Variants in LRP1B observed in about 807,000 individuals in gnomAD.
The protein encoded by LRP1B is LDL receptor related protein 1B, also known as low-density lipoprotein receptor-related protein 1B.
In LRP1B, 217 loss-of-function variants were observed where a neutral mutation model predicts 556.6. That is an observed-to-expected ratio of 0.39 (90% confidence interval 0.35 to 0.44). The LOEUF (loss-of-function observed/expected upper bound fraction) is 0.44. Among genes scored for constraint, LRP1B ranks in the 20% least tolerant of loss-of-function variants. The pLI is 1.00. For missense variants in LRP1B, 5,053 were observed against 5,620.8 expected, an observed-to-expected ratio of 0.90 and a Z score of 3.23; for synonymous variants, 2,047 against 1,865.8, an observed-to-expected ratio of 1.10 and a Z score of -2.50.
At chr2:141,319,005 A>G (rs1368945289) in intron 3 of LRP1B, among the ~76,000 whole-genome samples, 1 of 152,080 alleles carries the variant, frequency 6.6e-6, no homozygotes, top group South Asian at 2.1e-4. Context: ...TTAAATTCCT[A>G]TAGTTTTCCT....
At chr2:140,961,901 A>G (rs1696047733) in intron 18 of LRP1B, among the ~76,000 whole-genome samples, 1 of 152,186 alleles carries the variant, frequency 6.6e-6, no homozygotes. Context: ...AGAGGTAATA[A>G]CCAGGAAACT....
intron 41 of LRP1B, among the ~76,000 whole-genome samples, chr2:140,615,819 A>G (rs1023281374): frequency 6.6e-6 from 1 of 151,792 alleles, no homozygotes; most frequent in Non-Finnish European, 1.5e-5. Context: ...CCAAACTGCT[A>G]TCTTCATACT....
At chr2:141,787,154 T>C (rs2105652547) in intron 2 of LRP1B, among the ~76,000 whole-genome samples, 1 of 152,068 alleles carries the variant, frequency 6.6e-6, no homozygotes, top group Non-Finnish European at 1.5e-5. Flanking sequence ...GAATACAAAA[T>C]GGTACAGCTA....
intron 2 of LRP1B, among the ~76,000 whole-genome samples, chr2:141,715,589 C>A (rs543591442): frequency 1.3e-5 from 2 of 151,968 alleles, no homozygotes; most frequent in African/African-American, 4.8e-5. Context: ...CTGAGGCAGC[C>A]GGATCACCTG....
intron 32 of LRP1B, among the ~76,000 whole-genome samples, chr2:140,784,785 C>T (rs1012907411): frequency 6.6e-6 from 1 of 151,134 alleles, no homozygotes; most frequent in Admixed American, 6.6e-5. Flanking sequence ...ATTTAAAATG[C>T]TGATAGAAAG....
intron 3 of LRP1B, among the ~76,000 whole-genome samples, chr2:141,403,642 T>C (rs1690524597): frequency 6.6e-6 from 1 of 152,180 alleles, no homozygotes; most frequent in Non-Finnish European, 1.5e-5. Flanking sequence ...ATTTTGACCT[T>C]AAAACTTGTC....
rs183696146 is a variant in LRP1B at position 141,095,397 on chromosome 2, G to T, written c.1014-33124C>A. On this transcript the variant is annotated intron_variant, in intron 7 of 90. Transcript: ENST00000389484. ...CCAAAAAGCAAGCTTTTTGCAAAGG[G>T]TAGTAATCGTAATGAAGTTTATAAT... Among the ~76,000 whole-genome samples the T allele has an allele frequency of 1.0e-3, 81 of 80,046 alleles. 2 individuals carry two copies. The East Asian group carries it at 0.015, about 15-fold the overall frequency. 52.5% of individuals were successfully genotyped at this position (80,046 alleles called of 152,430 possible). A position where few individuals can be genotyped will look rare whatever the true frequency, so the allele number is the denominator to read the frequency against.
rs142289310 is a variant in LRP1B, at chr2:141,714,588, T to C, written c.205+95691A>G. On this transcript the variant is annotated intron_variant, in intron 2 of 90. Transcript: ENST00000389484. ...TGAATGTACCTATTGATTTATAATT[T>C]TCTCTCTTCAAAGAAATTTCCAAGT... is the stretch of plus-strand genomic sequence containing the variant. Among the ~76,000 whole-genome samples the C allele has an allele frequency of 1.2e-3, 181 of 152,256 alleles. 2 individuals are homozygous for C. Among genetic ancestry groups the C allele is most frequent in the African/African-American group, 4.2e-3 (176 of 41,542 alleles).
chr2:142,033,427 C>G (rs1025924485), intron 1 of LRP1B, among the ~76,000 whole-genome samples: 7 of 151,676 alleles, frequency 4.6e-5, no homozygotes, highest in African/African-American at 1.7e-4. Flanking sequence ...TCTACTATTA[C>G]TTACATGCCT....
At chr2:140,980,506 C>A (rs1696734562) in intron 18 of LRP1B, among the ~76,000 whole-genome samples, 1 of 152,186 alleles carries the variant, frequency 6.6e-6, no homozygotes, top group Non-Finnish European at 1.5e-5. Context: ...CATACCACTG[C>A]TGTTGCCTTC....
At chr2:140,677,481 T>C (rs1446095064) in intron 41 of LRP1B, among the ~76,000 whole-genome samples, 3 of 152,046 alleles carry the variant, frequency 2.0e-5, no homozygotes, top group Non-Finnish European at 4.4e-5. Flanking sequence ...CCATACACAA[T>C]GGTTTCAACA....
chr2:141,491,334 A>C (rs1683328440), intron 2 of LRP1B, among the ~76,000 whole-genome samples: 1 of 152,218 alleles, frequency 6.6e-6, no homozygotes, highest in African/African-American at 2.4e-5. Context: ...TCTGTAAGGA[A>C]AGGATTTACT....
rs34284556 is a variant in LRP1B, at chr2:140,601,307, TAAAAA to T, written c.6989+138_6989+142del. 4 of 700,584 alleles carry T rather than the reference TAAAAA, an allele frequency of 5.7e-6. No homozygotes were observed. In the East Asian group the frequency reaches 1.2e-4, roughly 22 times the overall value. The allele number at this position is 700,584 out of a possible 1,614,324, so 43.4% of individuals were successfully genotyped here. A position where few individuals can be genotyped will look rare whatever the true frequency, so the allele number is the denominator to read the frequency against. ...TTTTCACATTTATAATGCTCTTACA[TAAAAA>T]AAAAAGTTTTATGAATTGTGAAAAT... On this transcript the variant is annotated intron_variant, in intron 42 of 90. Coordinates refer to ENST00000389484, the MANE Select transcript of LRP1B (RefSeq NM_018557.3).
intron 84 of LRP1B, among the ~76,000 whole-genome samples, chr2:140,276,532 T>G (rs1355623339): frequency 2.1e-5 from 3 of 146,216 alleles, no homozygotes; most frequent in Non-Finnish European, 4.5e-5. Context: ...TTTTTATTTA[T>G]GAAGAGTATA....
At chr2:140,376,592 G>T (rs1353431123) in intron 68 of LRP1B, among the ~76,000 whole-genome samples, 2 of 151,964 alleles carry the variant, frequency 1.3e-5, no homozygotes, top group Non-Finnish European at 2.9e-5. Context: ...AAAATGTTTT[G>T]ACTTTTATTT....
chr2:140,986,330 A>C (rs879291339), intron 17 of LRP1B, among the ~76,000 whole-genome samples: 1 of 152,108 alleles, frequency 6.6e-6, no homozygotes, highest in Admixed American at 6.6e-5. Flanking sequence ...TTTTATTCAC[A>C]TCTCTCTCTT....
intron 2 of LRP1B, among the ~76,000 whole-genome samples, chr2:141,670,226 G>T (rs1690611990): frequency 6.6e-6 from 1 of 151,976 alleles, no homozygotes; most frequent in South Asian, 2.1e-4. Context: ...CTCCTTGAGG[G>T]CTTTAGTGTC....
chr2:140,640,662 CG>C (rs1684262459), intron 41 of LRP1B, among the ~76,000 whole-genome samples: 1 of 151,908 alleles, frequency 6.6e-6, no homozygotes, highest in Non-Finnish European at 1.5e-5. Context: ...GGATTACAGG[CG>C]TGAGCCACCG....
At chr2:141,665,637 T>C (rs1441116091) in intron 2 of LRP1B, among the ~76,000 whole-genome samples, 1 of 152,154 alleles carries the variant, frequency 6.6e-6, no homozygotes, top group African/African-American at 2.4e-5. Flanking sequence ...CATATGTTCA[T>C]TGTAGCACTA....
Sources: gnomAD v4.1 joint callset for allele counts (sites outside exome capture counted in the v4.1 genomes callset) on GRCh38, gnomAD v4.1.1 for gene constraint, MANE v1.5 for transcripts, NCBI Gene and HGNC (gene_info 2026-07-23, HGNC 2026-07-21) for gene names.